The following EFCAB3 variants were observed in gnomAD, a reference collection of about 807,000 sequenced individuals.
The protein encoded by EFCAB3 is EF-hand calcium binding domain 3, also known as EF-hand calcium-binding domain-containing protein 3.
In EFCAB3, 36 loss-of-function variants were observed where a neutral mutation model predicts 42.2. That is an observed-to-expected ratio of 0.85 (90% confidence interval 0.65 to 1.13). The LOEUF is 1.13. EFCAB3 is among the 50% of genes most tolerant of loss of function. The pLI is 0.00. For synonymous variants in EFCAB3, 170 were observed against 172.8 expected (o/e 0.98, Z 0.13); for missense variants, 418 against 505.1 (o/e 0.83, Z 1.65).
intron 9 of EFCAB3, among the ~76,000 whole-genome samples, chr17:62,414,365 C>T (rs1324159271): frequency 6.6e-6 from 1 of 152,188 alleles, no homozygotes; most frequent in Non-Finnish European, 1.5e-5. Context: ...CTTGGTTCAG[C>T]TGCCACCTAT....
At chr17:62,393,538 T>G in intron 4 of EFCAB3, 35 bp from the exon 5 acceptor site, 8 of 1,522,080 alleles carry the variant, frequency 5.3e-6, no homozygotes, top group Non-Finnish European at 7.3e-6. Flanking sequence ...AAAATACATC[T>G]TATCCTTGTC....
chr17:62,413,271 GAACA>G (rs2070515266), intron 8 of EFCAB3, among the ~76,000 whole-genome samples: 1 of 152,142 alleles, frequency 6.6e-6, no homozygotes, highest in Admixed American at 6.5e-5. Context: ...CAAAGGGTAT[GAACA>G]GACAGTTCTC....
At chr17:62,383,804 A>G (rs531629729) in intron 2 of EFCAB3, among the ~76,000 whole-genome samples, 9 of 152,270 alleles carry the variant, frequency 5.9e-5, no homozygotes, top group Non-Finnish European at 5.9e-5. Flanking sequence ...ACCTAAACCC[A>G]TAACCAAGTC....
intron 3 of EFCAB3, among the ~76,000 whole-genome samples, chr17:62,390,779 G>A (rs568185912): frequency 9.8e-5 from 15 of 152,302 alleles, no homozygotes; most frequent in Middle Eastern, 3.4e-3. Context: ...AGCAGGTATC[G>A]TTATCTCTGT....
chr17:62,380,100 C>G (rs138526969), upstream of EFCAB3, among the ~76,000 whole-genome samples: 2,065 of 152,280 alleles, frequency 0.014, 62 homozygotes, highest in African/African-American at 0.048. Flanking sequence ...CTCCCAAGTT[C>G]AAGCAATTCT....
intron 3 of EFCAB3, among the ~76,000 whole-genome samples, chr17:62,389,833 T>A (rs1476565071): frequency 6.6e-6 from 1 of 152,116 alleles, no homozygotes; most frequent in Non-Finnish European, 1.5e-5. Context: ...TATTTATTTT[T>A]TTCTGTGCAG....
At chr17:62,400,267 T>C (rs1009354054) in intron 6 of EFCAB3, among the ~76,000 whole-genome samples, 2 of 152,206 alleles carry the variant, frequency 1.3e-5, no homozygotes, top group Non-Finnish European at 2.9e-5. Context: ...CTAGGGTACA[T>C]GTGCACAACG....
At chr17:62,392,804 A>AT (rs1289481251) in intron 4 of EFCAB3, among the ~76,000 whole-genome samples, 3 of 151,654 alleles carry the variant, frequency 2.0e-5, no homozygotes, top group East Asian at 3.9e-4. Context: ...TGCCCGGCTA[A>AT]TTTTTTGTAT....
intron 2 of EFCAB3, among the ~76,000 whole-genome samples, chr17:62,385,926 A>G (rs1435820825): frequency 6.8e-6 from 1 of 147,882 alleles, no homozygotes; most frequent in Admixed American, 6.8e-5. Context: ...GCGGGGTTTC[A>G]CCATGTTAGC....
chr17:62,402,638 G>A (rs2070413847), intron 6 of EFCAB3, among the ~76,000 whole-genome samples: 1 of 152,244 alleles, frequency 6.6e-6, no homozygotes, highest in Admixed American at 6.5e-5. Context: ...CAGGGATGAA[G>A]CCCACTTGAT....
chr17:62,399,843 C>T (rs1425505086), intron 6 of EFCAB3, among the ~76,000 whole-genome samples: 1 of 152,082 alleles, frequency 6.6e-6, no homozygotes, highest in Non-Finnish European at 1.5e-5. Flanking sequence ...ATAAAATTTA[C>T]TTATTTATTT....
rs2070546710 is a variant in EFCAB3 at position 62,416,181 on chromosome 17, C to T, written c.1169C>T (p.Ser390Phe). Residue 390 changes from serine to phenylalanine, a missense_variant, in exon 10 of 10, where the codon TCT becomes TTT. Ser to Phe is a radical substitution (Grantham distance 155). Coordinates refer to ENST00000305286, the MANE Select transcript of EFCAB3 (RefSeq NM_173503.4). ...TGGAATGTTTGCCAAGAATTACTTT[C>T]TCCTAAGGACTTAAGGTTATATGAT... ...WSWNVCQELLSPKDLRLYDAY... is the reference protein window; with the variant it reads ...WSWNVCQELLFPKDLRLYDAY... 6.2e-7 allele frequency: 1 copy of T among 1,613,830 alleles called. No homozygotes were observed. Among genetic ancestry groups the T allele is most frequent in the African/African-American group, 1.3e-5 (1 of 74,914 alleles).
chr17:62,414,177 T>G (rs1349537320), intron 9 of EFCAB3, among the ~76,000 whole-genome samples: 1 of 152,246 alleles, frequency 6.6e-6, no homozygotes, highest in Non-Finnish European at 1.5e-5. Flanking sequence ...AGTAGTGTAC[T>G]CAGAGATTCA....
chr17:62,377,975 A>C, upstream of EFCAB3: 1 of 1,549,464 alleles, frequency 6.5e-7, no homozygotes, highest in South Asian at 1.2e-5. Context: ...AAGCAAAAGG[A>C]ATGGTGACTC....
intron 1 of EFCAB3, among the ~76,000 whole-genome samples, chr17:62,372,832 A>T (rs1311379963): frequency 6.6e-6 from 1 of 152,194 alleles, no homozygotes; most frequent in Non-Finnish European, 1.5e-5. Context: ...GCCCCCATGT[A>T]CTTCTCAGCT....
At chr17:62,377,886 A>G, upstream of EFCAB3, 1 of 1,117,528 alleles carries the variant, frequency 8.9e-7, no homozygotes, top group Non-Finnish European at 1.3e-6. Context: ...GGGGAAAAAA[A>G]TAAGATAAAT....
At chr17:62,372,498 T>A (rs2070121234) in intron 1 of EFCAB3, among the ~76,000 whole-genome samples, 1 of 151,916 alleles carries the variant, frequency 6.6e-6, no homozygotes, top group Non-Finnish European at 1.5e-5. Flanking sequence ...CCCAGGCTGG[T>A]CTCCAACTCC....
At chr17:62,397,035 T>C (rs2070356162) in intron 6 of EFCAB3, among the ~76,000 whole-genome samples, 1 of 152,136 alleles carries the variant, frequency 6.6e-6, no homozygotes, top group Non-Finnish European at 1.5e-5. Flanking sequence ...CAAGAGGGAA[T>C]GGTACCTATA....
chr17:62,378,462 C>T (rs1366194417), upstream of EFCAB3, among the ~76,000 whole-genome samples: 2 of 152,212 alleles, frequency 1.3e-5, no homozygotes, highest in Admixed American at 6.5e-5. Flanking sequence ...CCTTGGGAGG[C>T]GGAGGCAGGA....
Sources: gnomAD v4.1 joint callset for allele counts (sites outside exome capture counted in the v4.1 genomes callset) on GRCh38, gnomAD v4.1.1 for gene constraint, MANE v1.5 for transcripts, NCBI Gene and HGNC (gene_info 2026-07-23, HGNC 2026-07-21) for gene names.